Variants in FBLN5 observed in about 807,000 individuals in gnomAD.
FBLN5 encodes fibulin 5.
FBLN5 carries 24 observed loss-of-function variants against 61.6 expected under a neutral mutation model. That is an observed-to-expected ratio of 0.39 (90% confidence interval 0.28 to 0.55). The LOEUF (loss-of-function observed/expected upper bound fraction) is 0.55, where lower values mean the gene tolerates loss of function less well. FBLN5 is among the 20% of genes least tolerant of loss of function. The pLI is 0.65. For missense variants in FBLN5, 470 were observed against 594.1 expected, an observed-to-expected ratio of 0.79 and a Z score of 2.17; for synonymous variants, 213 against 219.8, an observed-to-expected ratio of 0.97 and a Z score of 0.27.
In FBLN5 at chr14:91,937,038, G is replaced by A. The variant is rs752354580; in HGVS notation, c.288C>T (p.Ala96=). 1.2e-6 allele frequency: 2 copies of A among 1,614,154 alleles called. No individual in the cohort carries two copies. The highest frequency in any genetic ancestry group is 3.3e-5 in the Admixed American group (2 of 60,014). Residue 96 remains alanine (A), a synonymous_variant, in exon 4 of 11, where the codon GCC becomes GCT. Transcript: ENST00000342058. ...GATAGTTTGGAGCTGAGAGTGGTGGGGCAGCTGCTGGGTACGGACCTGAGT... is the reference window on the plus strand; with the variant it reads ...GATAGTTTGGAGCTGAGAGTGGTGGAGCAGCTGCTGGGTACGGACCTGAGT... The part of the protein sequence containing the change: ...TPYSGPYPAA[A]PPLSAPNYPT...
intron 7 of FBLN5, among the ~76,000 whole-genome samples, chr14:91,883,382 T>A (rs1889567736): frequency 6.6e-6 from 1 of 152,098 alleles, no homozygotes; most frequent in South Asian, 2.1e-4. Flanking sequence ...ATTATAAACC[T>A]ATTTCACCAT....
chr14:91,941,907 C>T (rs1324616283), intron 2 of FBLN5: 3 of 338,420 alleles, frequency 8.9e-6, no homozygotes, highest in Non-Finnish European at 1.8e-5. Context: ...TTCATGTGTA[C>T]ACCATGAGGC....
Position 91,870,254 on chromosome 14 carries a change from CA to C in FBLN5, c.1316del (p.Leu439ArgfsTer33). ...INFRGSSVIR[L>X]RIYVSQYPF Reference sequence around the variant, plus strand: ...ATGGGTACTGCGACACATATATCCGCAGTCGGATCACGGAGCTGCCTCTGAA... The same window carrying C: ...ATGGGTACTGCGACACATATATCCGCGTCGGATCACGGAGCTGCCTCTGAA... On this transcript the variant is annotated frameshift_variant, in exon 11 of 11. Coordinates refer to ENST00000342058, the MANE Select transcript of FBLN5 (RefSeq NM_006329.4). LOFTEE classifies it high-confidence loss of function. 1 of 1,614,240 alleles carries C rather than the reference CA, an allele frequency of 6.2e-7. No individual in the cohort carries two copies. Among genetic ancestry groups the C allele is most frequent in the Non-Finnish European group, 8.5e-7 (1 of 1,180,034 alleles).
chr14:91,872,287 C>T (rs1008476296), intron 10 of FBLN5, among the ~76,000 whole-genome samples: 1 of 152,146 alleles, frequency 6.6e-6, no homozygotes, highest in Non-Finnish European at 1.5e-5. Flanking sequence ...TCAGAAGAGG[C>T]TGATGTGTGT....
At chr14:91,946,846 A>G in intron 1 of FBLN5, 1 of 1,517,716 alleles carries the variant, frequency 6.6e-7, no homozygotes, top group Non-Finnish European at 8.8e-7. Context: ...GCGGCGCAGT[A>G]ATTGCTAGTG....
chr14:91,907,953 C>T (rs1029050778), intron 4 of FBLN5, among the ~76,000 whole-genome samples: 1 of 151,960 alleles, frequency 6.6e-6, no homozygotes, highest in Non-Finnish European at 1.5e-5. Flanking sequence ...ATTTGACTCT[C>T]ATATTAAAAA....
chr14:91,914,893 C>T (rs1167095235), intron 4 of FBLN5, among the ~76,000 whole-genome samples: 1 of 151,598 alleles, frequency 6.6e-6, no homozygotes, highest in Non-Finnish European at 1.5e-5. Flanking sequence ...GGTGCAGTGA[C>T]TCACACCTGT....
chr14:91,891,414 T>C lies in FBLN5; in HGVS notation c.503-77A>G, dbSNP rs1889990985. 19 of 928,112 alleles carry C rather than the reference T, an allele frequency of 2.0e-5. No individual in the cohort carries two copies. The South Asian group carries it at 2.5e-4, about 12-fold the overall frequency. 57.5% of individuals were successfully genotyped at this position (928,112 alleles called of 1,614,324 possible). On this transcript the variant is annotated intron_variant, in intron 5 of 10. Transcript: ENST00000342058. ...CCCCCACTAGCATGGCATGATTGCCTTGCTCTTCCCAAACAGGATCATGAA... is the reference window on the plus strand; with the variant it reads ...CCCCCACTAGCATGGCATGATTGCCCTGCTCTTCCCAAACAGGATCATGAA...
Position 91,939,734 on chromosome 14 carries a change from AC to A in FBLN5, c.124+830del, listed in dbSNP as rs532460871. The A allele has an allele frequency of 1.9e-3, 558 of 297,734 alleles. 15 individuals are homozygous for A. Among genetic ancestry groups the A allele is most frequent in the South Asian group, 0.018 (551 of 31,276 alleles). The allele number at this position is 297,734 out of a possible 1,614,324, so 18.4% of individuals were successfully genotyped here. A position where few individuals can be genotyped will look rare whatever the true frequency, so the allele number is the denominator to read the frequency against. On this transcript the variant is annotated intron_variant, in intron 3 of 10. Coordinates refer to ENST00000342058, the MANE Select transcript of FBLN5 (RefSeq NM_006329.4). ...CAAAAGATGGCATGCTAAGAGAATG[AC>A]CCCCACAAACACTCCAAAATCTCTT...
At chr14:91,929,116 C>CA (rs1566824889) in intron 4 of FBLN5, among the ~76,000 whole-genome samples, 8 of 145,936 alleles carry the variant, frequency 5.5e-5, no homozygotes, top group Non-Finnish European at 1.2e-4. Flanking sequence ...CACACACACC[C>CA]CACACACACA....
At chr14:91,919,384 A>AG (rs201063745) in intron 4 of FBLN5, among the ~76,000 whole-genome samples, 129 of 142,268 alleles carry the variant, frequency 9.1e-4, no homozygotes, top group South Asian at 1.9e-3. Context: ...AAGAAAAGAA[A>AG]GAAAGAAAGG....
chr14:91,926,037 C>T (rs1306350803), intron 4 of FBLN5, among the ~76,000 whole-genome samples: 4 of 152,174 alleles, frequency 2.6e-5, no homozygotes, highest in Non-Finnish European at 5.9e-5. Context: ...CTCTTCCTTC[C>T]GCCATTCATT....
rs34059355 is a variant in FBLN5 at position 91,946,518 on chromosome 14, G to GCA, written c.17+693_17+694dup. On this transcript the variant is annotated intron_variant, in intron 1 of 10. Transcript: ENST00000342058. ...TGACATTGTTACAGCTTAGTTTTCA[G>GCA]CACACACACACACACACACACACCC... 1.2e-3 allele frequency among the ~76,000 whole-genome samples: 177 copies of GCA among 149,560 alleles called. 1 individual carries two copies. Among genetic ancestry groups the GCA allele is most frequent in the East Asian group, 6.1e-3 (31 of 5,090 alleles).
intron 4 of FBLN5, among the ~76,000 whole-genome samples, chr14:91,924,425 C>A (rs1243056073): frequency 1.3e-5 from 2 of 152,184 alleles, no homozygotes; most frequent in African/African-American, 4.8e-5. Flanking sequence ...TGGTGGCTCA[C>A]GCCTGTAATC....
At chr14:91,893,963 T>C (rs1399917643) in intron 5 of FBLN5, among the ~76,000 whole-genome samples, 1 of 152,260 alleles carries the variant, frequency 6.6e-6, no homozygotes. Context: ...AAGTGTTCCC[T>C]TCTCTTAGCA....
At chr14:91,894,847 A>AAAAAAT in intron 5 of FBLN5, 103 bp downstream of exon 5, 1 of 988,326 alleles carries the variant, frequency 1.0e-6, no homozygotes, top group Non-Finnish European at 1.5e-6. Context: ...CTAGCAAAGA[A>AAAAAAT]AAGCTTACTA....
Position 91,936,927 on chromosome 14 carries a change from CA to C in FBLN5, c.379+19del. On this transcript the variant is annotated intron_variant, in intron 4 of 10. Coordinates refer to ENST00000342058, the MANE Select transcript of FBLN5 (RefSeq NM_006329.4). ...TTCACCAAAGCACAGCGGAGAGGAA[CA>C]AAAGGCCGGGCTACTCACCCACACA... The C allele has an allele frequency of 6.2e-7, 1 of 1,614,126 alleles. No individual in the cohort carries two copies. Among genetic ancestry groups the C allele is most frequent in the Non-Finnish European group, 8.5e-7 (1 of 1,180,032 alleles).
At chr14:91,925,014 T>G (rs547848427) in intron 4 of FBLN5, among the ~76,000 whole-genome samples, 1 of 152,230 alleles carries the variant, frequency 6.6e-6, no homozygotes, top group African/African-American at 2.4e-5. Flanking sequence ...CCTCCTCCCA[T>G]GGAAACTGTT....
rs539923722 is a variant in FBLN5 at position 91,920,653 on chromosome 14, T to C, written c.379+16294A>G. Among the ~76,000 whole-genome samples, 6 of 152,278 alleles carry C rather than the reference T, an allele frequency of 3.9e-5. No homozygotes were observed. The East Asian group carries it at 5.8e-4, about 15-fold the overall frequency. ...CTTGGTAAAGACTTCCTCAACCCCC[T>C]TGGGCAGAATCAGCTGTTCCCACGA... On this transcript the variant is annotated intron_variant, in intron 4 of 10. Transcript: ENST00000342058.
Sources: allele counts gnomAD v4.1 joint callset (sites outside exome capture counted in the v4.1 genomes callset), GRCh38; gene constraint gnomAD v4.1.1; transcripts MANE v1.5; gene names NCBI Gene and HGNC (gene_info 2026-07-23, HGNC 2026-07-21).